TLL2: variants seen among roughly 807,000 people sequenced by gnomAD.
TLL2 encodes tolloid like 2, also known as tolloid-like protein 2.
In TLL2, 106 loss-of-function variants were observed where a neutral mutation model predicts 123.0. That is an observed-to-expected ratio of 0.86 (90% confidence interval 0.74 to 1.01). The LOEUF (loss-of-function observed/expected upper bound fraction) is 1.01. Among genes scored for constraint, TLL2 ranks in the 50% least tolerant of loss-of-function variants. The pLI is 0.00. For synonymous variants in TLL2, 494 were observed against 516.8 expected (o/e 0.96, Z 0.60); for missense variants, 1,332 against 1,336.7 (o/e 1.00, Z 0.06).
chr10:96,485,442 A>G (rs1847347385), intron 1 of TLL2, among the ~76,000 whole-genome samples: 2 of 152,204 alleles, frequency 1.3e-5, no homozygotes, highest in African/African-American at 4.8e-5. Flanking sequence ...AACTCTTACA[A>G]TTCAACAACA....
At position 96,428,758 on chromosome 10, in the gene TLL2, C is replaced by T; in HGVS notation, c.521-10G>A. The T allele has an allele frequency of 6.4e-7, 1 of 1,570,096 alleles. No homozygotes were observed. The highest frequency in any genetic ancestry group is 2.2e-5 in the East Asian group (1 of 44,566). The stretch of plus-strand genomic sequence containing the variant: ...ATGGCCCTCTGGCTCCCTGAAACAA[C>T]AGGGCAAGCACTCGACTTCAATGAT... On this transcript the variant is annotated splice_polypyrimidine_tract_variant and intron_variant, in intron 4 of 20. Coordinates refer to ENST00000357947, the MANE Select transcript of TLL2 (RefSeq NM_012465.4).
At chr10:96,476,248 TTTG>T (rs1554939655) in intron 2 of TLL2, among the ~76,000 whole-genome samples, 1 of 69,230 alleles carries the variant, frequency 1.4e-5, no homozygotes. Flanking sequence ...ATATTTTATT[TTTG>T]TTGTTGTTGT....
At chr10:96,506,649 C>T (rs1847582461) in intron 1 of TLL2, among the ~76,000 whole-genome samples, 1 of 151,806 alleles carries the variant, frequency 6.6e-6, no homozygotes, top group Non-Finnish European at 1.5e-5. Context: ...GCCCACATGC[C>T]AGGTGCACTG....
At chr10:96,500,136 AT>A (rs1246277505) in intron 1 of TLL2, among the ~76,000 whole-genome samples, 1 of 107,446 alleles carries the variant, frequency 9.3e-6, no homozygotes, top group Admixed American at 1.1e-4. Flanking sequence ...AGAAAAAAAA[AT>A]CTCTACCAAA....
Position 96,368,029 on chromosome 10 carries a change from G to A in TLL2, c.*59C>T. On this transcript the variant is annotated 3_prime_UTR_variant, in exon 21 of 21. Transcript: ENST00000357947. ...GGCAGATTTTCAAGGTGCTATTGTTGTTAAAAACAAAACAAAACAAAAAAA... is the reference window on the plus strand; with the variant it reads ...GGCAGATTTTCAAGGTGCTATTGTTATTAAAAACAAAACAAAACAAAAAAA... 6.2e-7 allele frequency: 1 copy of A among 1,602,578 alleles called. No individual in the cohort carries two copies. The highest frequency in any genetic ancestry group is 8.5e-7 in the Non-Finnish European group (1 of 1,173,588).
chr10:96,380,978 CAAA>C (rs758416966), intron 16 of TLL2, among the ~76,000 whole-genome samples: 5 of 102,552 alleles, frequency 4.9e-5, no homozygotes, highest in African/African-American at 7.3e-5. Context: ...ACTCTGTCTC[CAAA>C]AAAAAAAAAA....
At chr10:96,443,598 C>CTGTTTT (rs1846869223) in intron 3 of TLL2, among the ~76,000 whole-genome samples, 1 of 152,212 alleles carries the variant, frequency 6.6e-6, no homozygotes, top group Non-Finnish European at 1.5e-5. Flanking sequence ...AAATAACAAA[C>CTGTTTT]TATTGTTTGA....
intron 10 of TLL2, among the ~76,000 whole-genome samples, chr10:96,402,398 G>A (rs745438671): frequency 1.3e-5 from 2 of 152,126 alleles, no homozygotes; most frequent in Non-Finnish European, 2.9e-5. Flanking sequence ...TCCAATTCAC[G>A]GTCTCCCAGG....
chr10:96,406,644 G>T lies in TLL2; in HGVS notation c.1165-1310C>A, dbSNP rs527851706. The stretch of plus-strand genomic sequence containing the variant: ...ATCTAAAGGACTGTTATTTGGCCTT[G>T]TGCCCCATGACCCCTCTGCCCAGAG... On this transcript the variant is annotated intron_variant, in intron 9 of 20. Coordinates refer to ENST00000357947, the MANE Select transcript of TLL2 (RefSeq NM_012465.4). Among the ~76,000 whole-genome samples, 49 of 152,172 alleles carry T rather than the reference G, an allele frequency of 3.2e-4. 1 individual carries two copies. Among genetic ancestry groups the T allele is most frequent in the African/African-American group, 1.2e-3 (48 of 41,514 alleles).
intron 1 of TLL2, among the ~76,000 whole-genome samples, chr10:96,488,376 G>A (rs1792773194): frequency 6.6e-6 from 1 of 152,222 alleles, no homozygotes; most frequent in Non-Finnish European, 1.5e-5. Context: ...GCACCTGCGG[G>A]AAGCCCCCAT....
chr10:96,512,925 C>G (rs1164163132), intron 1 of TLL2, among the ~76,000 whole-genome samples: 1 of 152,244 alleles, frequency 6.6e-6, no homozygotes, highest in Non-Finnish European at 1.5e-5. Context: ...TCCGCCCGCC[C>G]AGAGCGACCC....
chr10:96,392,730 C>T (rs1846300643), intron 13 of TLL2, among the ~76,000 whole-genome samples: 1 of 152,222 alleles, frequency 6.6e-6, no homozygotes. Flanking sequence ...CCTTCCAAAG[C>T]TGTCTACAGC....
intron 3 of TLL2, among the ~76,000 whole-genome samples, chr10:96,433,411 T>A (rs1385360801): frequency 6.6e-6 from 1 of 152,114 alleles, no homozygotes; most frequent in East Asian, 1.9e-4. Context: ...TCTGTGAAAC[T>A]GGAAAAATTA....
chr10:96,394,558 A>G (rs1846319404), intron 13 of TLL2, among the ~76,000 whole-genome samples: 1 of 152,122 alleles, frequency 6.6e-6, no homozygotes, highest in Admixed American at 6.5e-5. Context: ...GCCACCCCTT[A>G]TTCTCCTCCC....
Position 96,422,272 on chromosome 10 carries a change from C to A in TLL2, c.817+277G>T, listed in dbSNP as rs79204573. 4.0e-3 allele frequency among the ~76,000 whole-genome samples: 610 copies of A among 151,336 alleles called. 12 individuals carry two copies. Among genetic ancestry groups the A allele is most frequent in the African/African-American group, 0.014 (585 of 41,150 alleles). ...AACAGTGTTCTGGTCGACTGTGTTCCTTTCAGGAAATGGAGTTAGATTTCA... is the reference window on the plus strand; with the variant it reads ...AACAGTGTTCTGGTCGACTGTGTTCATTTCAGGAAATGGAGTTAGATTTCA... On this transcript the variant is annotated intron_variant, in intron 6 of 20. Transcript: ENST00000357947.
chr10:96,419,569 C>T (rs1193590771), intron 7 of TLL2, among the ~76,000 whole-genome samples: 3 of 152,272 alleles, frequency 2.0e-5, no homozygotes, highest in Non-Finnish European at 4.4e-5. Flanking sequence ...CACGCTACTC[C>T]CAAGTGCTGT....
At chr10:96,411,675 A>G (rs538730109) in intron 8 of TLL2, among the ~76,000 whole-genome samples, 1 of 152,238 alleles carries the variant, frequency 6.6e-6, no homozygotes, top group South Asian at 2.1e-4. Flanking sequence ...TTATGTGGCC[A>G]ACCCTAACAT....
chr10:96,499,280 A>C (rs1847508586), intron 1 of TLL2, among the ~76,000 whole-genome samples: 1 of 152,198 alleles, frequency 6.6e-6, no homozygotes, highest in Non-Finnish European at 1.5e-5. Flanking sequence ...TGAACTCCCC[A>C]GTTCCAGTGG....
chr10:96,431,339 G>A (rs1846737794), intron 4 of TLL2, among the ~76,000 whole-genome samples: 1 of 152,182 alleles, frequency 6.6e-6, no homozygotes, highest in South Asian at 2.1e-4. Flanking sequence ...GGGAGCGAAA[G>A]GGAACTGCAG....
Sources: allele counts gnomAD v4.1 joint callset (sites outside exome capture counted in the v4.1 genomes callset), GRCh38; gene constraint gnomAD v4.1.1; transcripts MANE v1.5; gene names NCBI Gene and HGNC (gene_info 2026-07-23, HGNC 2026-07-21).